PPP1R12B: variants seen among roughly 807,000 people sequenced by gnomAD.
PPP1R12B encodes myosin phosphatase target subunit 2.
In PPP1R12B, 76 loss-of-function variants were observed where a neutral mutation model predicts 126.1. The observed-to-expected ratio is 0.60, with a 90% CI of 0.50 to 0.73. The LOEUF is 0.73. Among genes scored for constraint, PPP1R12B ranks in the 30% least tolerant of loss-of-function variants. The pLI is 0.00. For missense variants in PPP1R12B, 1,052 were observed against 1,205.1 expected, an observed-to-expected ratio of 0.87 and a Z score of 1.88; for synonymous variants, 356 against 434.7, an observed-to-expected ratio of 0.82 and a Z score of 2.25.
intron 18 of PPP1R12B, among the ~76,000 whole-genome samples, chr1:202,530,564 A>G (rs1683826324): frequency 6.6e-6 from 1 of 152,210 alleles, no homozygotes; most frequent in Non-Finnish European, 1.5e-5. Flanking sequence ...GACCTTTATA[A>G]TCTATTACCC....
At position 202,580,640 on chromosome 1, in the gene PPP1R12B, C is replaced by G; in HGVS notation, c.*80C>G. ...CTCTTTTCCAGTCCTTGCCTTCCAA[C>G]CAAAAGAAATGGATGTTTTGGTGGA... On this transcript the variant is annotated 3_prime_UTR_variant, in exon 24 of 24. Transcript: ENST00000608999. 2 of 1,208,016 alleles carry G rather than the reference C, an allele frequency of 1.7e-6. No individual in the cohort carries two copies. The highest frequency in any genetic ancestry group is 2.4e-6 in the Non-Finnish European group (2 of 817,518). 74.8% of individuals were successfully genotyped at this position (1,208,016 alleles called of 1,614,324 possible). A position where few individuals can be genotyped will look rare whatever the true frequency, so the allele number is the denominator to read the frequency against.
intron 18 of PPP1R12B, chr1:202,540,379 C>G: frequency 1.7e-6 from 1 of 587,518 alleles, no homozygotes. Flanking sequence ...AAAAAAATTG[C>G]AAGTAAAGAC....
intron 1 of PPP1R12B, among the ~76,000 whole-genome samples, chr1:202,378,247 C>CTTTTTTTTTTTT (rs386369339): frequency 2.1e-5 from 2 of 93,386 alleles, no homozygotes; most frequent in African/African-American, 4.2e-5. Context: ...TGTCTTCATT[C>CTTTTTTTTTTTT]TTTTTTTTTT....
chr1:202,587,630 G>A lies in PPP1R12B; in HGVS notation c.*7070G>A, dbSNP rs538736787. 1.3e-5 allele frequency: 2 copies of A among 152,392 alleles called. No homozygotes were observed. The highest frequency in any genetic ancestry group is 3.9e-4 in the East Asian group (2 of 5,192). The allele number at this position is 152,392 out of a possible 1,614,324, so 9.4% of individuals were successfully genotyped here. ...AGGATTCAGGAAAGGCACACTGATG[G>A]TGGGGAGCCTCTTAAGAGCCTCTAA... On this transcript the variant is annotated 3_prime_UTR_variant, in exon 24 of 24. Coordinates refer to ENST00000608999, the MANE Select transcript of PPP1R12B (RefSeq NM_002481.4).
At chr1:202,355,054 C>T (rs989288547) in intron 1 of PPP1R12B, among the ~76,000 whole-genome samples, 3 of 151,714 alleles carry the variant, frequency 2.0e-5, no homozygotes, top group African/African-American at 7.3e-5. Flanking sequence ...GTCAGGAGAT[C>T]GAGACCATCC....
chr1:202,472,216 G>A (rs1676024060), intron 13 of PPP1R12B: 8 of 490,188 alleles, frequency 1.6e-5, no homozygotes, highest in South Asian at 1.4e-4. Flanking sequence ...GTACTTTTTA[G>A]TTTGTCTTTT....
intron 18 of PPP1R12B, among the ~76,000 whole-genome samples, chr1:202,544,552 G>A (rs1363987071): frequency 1.3e-5 from 2 of 152,152 alleles, no homozygotes; most frequent in African/African-American, 2.4e-5. Flanking sequence ...CTTGAAGTAA[G>A]TGGGTCATTA....
chr1:202,359,488 T>TA (rs373442672), intron 1 of PPP1R12B, among the ~76,000 whole-genome samples: 3,462 of 151,034 alleles, frequency 0.023, 132 homozygotes, highest in African/African-American at 0.078. Flanking sequence ...AAATTTAAAT[T>TA]AAAAAAAAAT....
In PPP1R12B at chr1:202,422,700, C is replaced by G. The variant is rs189088367; in HGVS notation, c.503C>G (p.Ala168Gly). 2 of 1,613,758 alleles carry G rather than the reference C, an allele frequency of 1.2e-6. No individual in the cohort carries two copies. Among genetic ancestry groups the G allele is most frequent in the African/African-American group, 1.3e-5 (1 of 75,004 alleles). The change falls in exon 3 of 24, where the codon GCC becomes GGC. Residue 168 changes from alanine to glycine, a missense_variant. Physicochemically the swap from Ala to Gly is moderately conservative, Grantham distance 60 (BLOSUM62 0). Transcript: ENST00000608999. ...CCCTCTGACCTTGCAGAAGAGCCAG[C>G]CATGAAGGATCTTCTTCTGGAGCAA... ...EVPSDLAEEP[A>G]MKDLLLEQVK... is the part of the protein sequence containing the mutation.
intron 1 of PPP1R12B, among the ~76,000 whole-genome samples, chr1:202,378,460 C>T (rs1408598191): frequency 6.6e-6 from 1 of 151,952 alleles, no homozygotes; most frequent in Non-Finnish European, 1.5e-5. Flanking sequence ...AAATGCCACG[C>T]CTTATCATCC....
intron 13 of PPP1R12B, among the ~76,000 whole-genome samples, chr1:202,465,937 A>C (rs1483697721): frequency 1.3e-5 from 2 of 152,230 alleles, no homozygotes; most frequent in African/African-American, 4.8e-5. Flanking sequence ...CTTTATAATG[A>C]AACTGACAGT....
intron 1 of PPP1R12B, among the ~76,000 whole-genome samples, chr1:202,363,146 C>G (rs1010974419): frequency 1.1e-4 from 17 of 152,162 alleles, no homozygotes; most frequent in African/African-American, 4.1e-4. Context: ...TAGTTTGAAT[C>G]TTTAAACAGT....
At chr1:202,461,907 T>C (rs945038939) in intron 13 of PPP1R12B, among the ~76,000 whole-genome samples, 7 of 152,138 alleles carry the variant, frequency 4.6e-5, no homozygotes, top group African/African-American at 1.7e-4. Flanking sequence ...AGTTGACCCT[T>C]GCAGGAAAGT....
At chr1:202,548,143 T>A (rs912548955) in intron 18 of PPP1R12B, among the ~76,000 whole-genome samples, 3 of 152,186 alleles carry the variant, frequency 2.0e-5, no homozygotes, top group African/African-American at 7.2e-5. Flanking sequence ...GCAATCTGGA[T>A]CAGGAGCCTC....
chr1:202,398,840 A>G (rs1665390347), intron 1 of PPP1R12B, among the ~76,000 whole-genome samples: 1 of 152,128 alleles, frequency 6.6e-6, no homozygotes, highest in African/African-American at 2.4e-5. Context: ...TTGATGATTG[A>G]CTATTTCCTT....
intron 8 of PPP1R12B, among the ~76,000 whole-genome samples, chr1:202,432,252 A>G (rs1427157020): frequency 6.6e-6 from 1 of 151,972 alleles, no homozygotes; most frequent in African/African-American, 2.4e-5. Flanking sequence ...ATTATTGATA[A>G]TATATACCTC....
intron 18 of PPP1R12B, chr1:202,540,156 C>T (rs564536061): frequency 1.9e-6 from 3 of 1,608,916 alleles, no homozygotes; most frequent in African/African-American, 2.7e-5. Flanking sequence ...TCTTTATATA[C>T]CCGAAGTAAA....
At chr1:202,453,479 TC>T (rs1673255500) in intron 13 of PPP1R12B, among the ~76,000 whole-genome samples, 2 of 152,132 alleles carry the variant, frequency 1.3e-5, no homozygotes, top group South Asian at 4.1e-4. Context: ...AAGTATTCCT[TC>T]CTTTTCTGTT....
At position 202,582,781 on chromosome 1, in the gene PPP1R12B, A is replaced by C. The variant is rs1444240407; in HGVS notation, c.*2221A>C. The C allele has an allele frequency of 6.6e-6, 1 of 152,242 alleles. No individual in the cohort carries two copies. 9.4% of individuals were successfully genotyped at this position (152,242 alleles called of 1,614,324 possible). ...GCGCCTGTAGTCCCAGCTACTCAGG[A>C]GGCTGAGGCAGGAGAATGGCGTGAA... On this transcript the variant is annotated 3_prime_UTR_variant, in exon 24 of 24. Transcript: ENST00000608999.
Sources: allele counts gnomAD v4.1 joint callset (sites outside exome capture counted in the v4.1 genomes callset), GRCh38; gene constraint gnomAD v4.1.1; transcripts MANE v1.5; gene names NCBI Gene and HGNC (gene_info 2026-07-23, HGNC 2026-07-21).